NMNAT2: variants seen among roughly 807,000 people sequenced by gnomAD.
NMNAT2 encodes the protein nicotinamide/nicotinic acid mononucleotide adenylyltransferase 2.
NMNAT2 carries 11 observed loss-of-function variants against 41.6 expected under a neutral mutation model. That is an observed-to-expected ratio of 0.26 (90% CI 0.17 to 0.44). NMNAT2 has a LOEUF of 0.44. Ranked by LOEUF, NMNAT2 falls within the 20% of genes least tolerant of loss-of-function variation. NMNAT2 has a pLI of 1.00. For synonymous variants in NMNAT2, 148 were observed against 151.2 expected, an observed-to-expected ratio of 0.98 and a Z score of 0.16; for missense variants, 288 against 407.7, an observed-to-expected ratio of 0.71 and a Z score of 2.53.
At chr1:183,386,371 C>T (rs916879771) in intron 1 of NMNAT2, among the ~76,000 whole-genome samples, 21 of 152,064 alleles carry the variant, frequency 1.4e-4, no homozygotes, top group African/African-American at 4.8e-4. Flanking sequence ...TCTTGAGGTG[C>T]CCTTTCAATT....
chr1:183,399,664 T>C (rs901789828), intron 1 of NMNAT2, among the ~76,000 whole-genome samples: 1 of 152,132 alleles, frequency 6.6e-6, no homozygotes, highest in Non-Finnish European at 1.5e-5. Context: ...AAATCCTCAA[T>C]AAAATACTGA....
At chr1:183,293,989 G>A (rs1661614010) in intron 1 of NMNAT2, among the ~76,000 whole-genome samples, 196 bp from the exon 2 acceptor site, 2 of 152,132 alleles carry the variant, frequency 1.3e-5, no homozygotes, top group Admixed American at 6.5e-5. Flanking sequence ...AGCCCCCAAA[G>A]CAAAAGGATT....
chr1:183,293,368 G>A (rs1661593498), intron 2 of NMNAT2, among the ~76,000 whole-genome samples: 1 of 152,250 alleles, frequency 6.6e-6, no homozygotes, highest in Non-Finnish European at 1.5e-5. Context: ...CTTGCCCAGT[G>A]CAGCTCAACC....
chr1:183,397,102 A>G (rs1478272283), intron 1 of NMNAT2, among the ~76,000 whole-genome samples: 2 of 152,184 alleles, frequency 1.3e-5, no homozygotes, highest in Non-Finnish European at 2.9e-5. Context: ...AGGAGAATGG[A>G]AAATATGTCT....
chr1:183,280,636 C>T (rs555264785), intron 7 of NMNAT2, among the ~76,000 whole-genome samples: 1 of 152,174 alleles, frequency 6.6e-6, no homozygotes, highest in East Asian at 1.9e-4. Flanking sequence ...GATCTGCCCA[C>T]CGTGGCCTCC....
Position 183,406,144 on chromosome 1 carries a change from A to G in NMNAT2, c.85+12039T>C, listed in dbSNP as rs571627107. Among the ~76,000 whole-genome samples, 4 of 152,342 alleles carry G rather than the reference A, an allele frequency of 2.6e-5. No homozygotes were observed. The East Asian group carries it at 5.8e-4, about 22-fold the overall frequency. On this transcript the variant is annotated intron_variant, in intron 1 of 10. Coordinates refer to ENST00000287713, the MANE Select transcript of NMNAT2 (RefSeq NM_015039.4). ...GCTATGCTAAGTTCAATGATAGATA[A>G]GACAGCACAATCAGGCCACATCAGA...
chr1:183,377,390 T>C (rs896790974), intron 1 of NMNAT2, among the ~76,000 whole-genome samples: 6 of 151,994 alleles, frequency 3.9e-5, no homozygotes, highest in Admixed American at 1.3e-4. Flanking sequence ...CAAAAGGCAG[T>C]TCTGTCCTGG....
intron 9 of NMNAT2, 39 bp downstream of exon 9, chr1:183,261,163 G>A: frequency 6.2e-7 from 1 of 1,605,078 alleles, no homozygotes; most frequent in Non-Finnish European, 8.5e-7. Flanking sequence ...CTCAGAGAAG[G>A]GCCATAACAC....
chr1:183,292,069 C>A (rs1661556225), intron 3 of NMNAT2, among the ~76,000 whole-genome samples: 1 of 152,218 alleles, frequency 6.6e-6, no homozygotes, highest in Non-Finnish European at 1.5e-5. Flanking sequence ...CTAGGTGCTG[C>A]TTATTTTTCC....
chr1:183,314,919 GCAAACAAA>G (rs1378767697), intron 1 of NMNAT2, among the ~76,000 whole-genome samples: 1 of 152,058 alleles, frequency 6.6e-6, no homozygotes, highest in Non-Finnish European at 1.5e-5. Context: ...AAGCAAACAA[GCAAACAAA>G]CCTAAGAATT....
chr1:183,298,363 A>G (rs1661756945), intron 1 of NMNAT2, among the ~76,000 whole-genome samples: 1 of 152,250 alleles, frequency 6.6e-6, no homozygotes, highest in African/African-American at 2.4e-5. Flanking sequence ...AAGTTACAAG[A>G]TCAACATAAG....
chr1:183,377,842 A>G (rs547185821), intron 1 of NMNAT2, among the ~76,000 whole-genome samples: 13 of 152,376 alleles, frequency 8.5e-5, no homozygotes, highest in African/African-American at 2.9e-4. Flanking sequence ...TATGATTTAT[A>G]TGTTAAAAAC....
Position 183,252,418 on chromosome 1 carries a change from C to A in NMNAT2, c.*223G>T. ...ACTTCCCCCGACTCCCACCCCATTCCCTCACCCACCCCCAACCCGGAGACT... is the reference window on the plus strand; with the variant it reads ...ACTTCCCCCGACTCCCACCCCATTCACTCACCCACCCCCAACCCGGAGACT... On this transcript the variant is annotated 3_prime_UTR_variant, in exon 11 of 11. Coordinates refer to ENST00000287713, the MANE Select transcript of NMNAT2 (RefSeq NM_015039.4). The A allele has an allele frequency of 2.0e-6, 1 of 493,444 alleles. No homozygotes were observed. Among genetic ancestry groups the A allele is most frequent in the South Asian group, 2.1e-5 (1 of 47,764 alleles). The allele number at this position is 493,444 out of a possible 1,614,324, so 30.6% of individuals were successfully genotyped here. A position where few individuals can be genotyped will look rare whatever the true frequency, so the allele number is the denominator to read the frequency against.
At chr1:183,409,570 G>A (rs1649058218) in intron 1 of NMNAT2, among the ~76,000 whole-genome samples, 3 of 152,086 alleles carry the variant, frequency 2.0e-5, no homozygotes, top group Admixed American at 2.0e-4. Flanking sequence ...TCCCACCTCG[G>A]CCTCCCAAAG....
intron 8 of NMNAT2, among the ~76,000 whole-genome samples, chr1:183,274,593 G>A (rs1266071898): frequency 6.6e-6 from 1 of 151,782 alleles, no homozygotes; most frequent in Admixed American, 6.6e-5. Flanking sequence ...GATTACAGGC[G>A]TGAGTCACCA....
intron 1 of NMNAT2, among the ~76,000 whole-genome samples, chr1:183,356,171 T>C (rs946574412): frequency 6.6e-6 from 1 of 152,226 alleles, no homozygotes; most frequent in African/African-American, 2.4e-5. Context: ...ATTTTTCCAA[T>C]TTACAGATTT....
chr1:183,325,091 G>T (rs1295604096), intron 1 of NMNAT2, among the ~76,000 whole-genome samples: 2 of 152,156 alleles, frequency 1.3e-5, no homozygotes, highest in Non-Finnish European at 2.9e-5. Flanking sequence ...ATGTGACTGG[G>T]GGCCCTGGCC....
intron 8 of NMNAT2, among the ~76,000 whole-genome samples, chr1:183,273,321 G>T (rs1443770528): frequency 1.3e-5 from 2 of 152,252 alleles, no homozygotes; most frequent in Non-Finnish European, 2.9e-5. Flanking sequence ...TTTAACAGCA[G>T]ATTTCAGGGT....
chr1:183,407,362 C>T (rs957290889), intron 1 of NMNAT2, among the ~76,000 whole-genome samples: 2 of 152,214 alleles, frequency 1.3e-5, no homozygotes, highest in South Asian at 2.1e-4. Context: ...ACTGGCACCT[C>T]GTGTTTGCTG....
Sources: gnomAD v4.1 joint callset for allele counts (sites outside exome capture counted in the v4.1 genomes callset) on GRCh38, gnomAD v4.1.1 for gene constraint, MANE v1.5 for transcripts, NCBI Gene and HGNC (gene_info 2026-07-23, HGNC 2026-07-21) for gene names.